The following NKAIN2 variants were observed in gnomAD, a reference collection of about 807,000 sequenced individuals.
NKAIN2 encodes the protein sodium/potassium-transporting ATPase subunit beta-1-interacting protein 2.
NKAIN2 carries 14 observed loss-of-function variants against 32.6 expected under a neutral mutation model. That is an observed-to-expected ratio of 0.43 (90% CI 0.28 to 0.67). The LOEUF (loss-of-function observed/expected upper bound fraction) is 0.67. Among genes scored for constraint, NKAIN2 ranks in the 30% least tolerant of loss-of-function variants. The pLI, the probability that NKAIN2 is intolerant of heterozygous loss-of-function variation, is 0.17. For missense variants in NKAIN2, 198 were observed against 258.3 expected (o/e 0.77, Z 1.60); for synonymous variants, 80 against 87.2 (o/e 0.92, Z 0.46).
chr6:123,814,176 G>A (rs1407282249), intron 1 of NKAIN2, among the ~76,000 whole-genome samples: 1 of 152,218 alleles, frequency 6.6e-6, no homozygotes, highest in Non-Finnish European at 1.5e-5. Flanking sequence ...TGGAACTCCT[G>A]AATGTTCAAA....
In NKAIN2 at chr6:123,911,785, A is replaced by ATG. The variant is rs565117284; in HGVS notation, c.54+107532_54+107533insGT. Among the ~76,000 whole-genome samples, 426 of 89,632 alleles carry ATG rather than the reference A, an allele frequency of 4.8e-3. 57 individuals are homozygous for ATG. In the East Asian group the frequency reaches 0.065, roughly 14 times the overall value. The allele number at this position is 89,632 out of a possible 152,430, so 58.8% of individuals were successfully genotyped here. A position where few individuals can be genotyped will look rare whatever the true frequency, so the allele number is the denominator to read the frequency against. On this transcript the variant is annotated intron_variant, in intron 1 of 6. Transcript: ENST00000368417. ...TAGTCGTATATATACATACATACATATATATATATATATATGTATATATAT... is the reference window on the plus strand; with the variant it reads ...TAGTCGTATATATACATACATACATATGTATATATATATATATGTATATATAT...
At chr6:123,897,528 A>G (rs780805187) in intron 1 of NKAIN2, among the ~76,000 whole-genome samples, 1 of 152,064 alleles carries the variant, frequency 6.6e-6, no homozygotes, top group Admixed American at 6.5e-5. Flanking sequence ...CTGTAATCAC[A>G]TGTGGATTTT....
chr6:124,091,257 A>G (rs769410514), intron 1 of NKAIN2, among the ~76,000 whole-genome samples: 2 of 151,984 alleles, frequency 1.3e-5, no homozygotes, highest in Non-Finnish European at 2.9e-5. Context: ...ACCTATGGCT[A>G]TAAATTAAGA....
chr6:124,571,252 G>T (rs1781116791), intron 3 of NKAIN2, among the ~76,000 whole-genome samples: 1 of 152,120 alleles, frequency 6.6e-6, no homozygotes, highest in Non-Finnish European at 1.5e-5. Context: ...GTGGACTTTT[G>T]GGTTAGTGCT....
chr6:124,692,577 G>A (rs1774309868), intron 4 of NKAIN2, among the ~76,000 whole-genome samples: 1 of 152,120 alleles, frequency 6.6e-6, no homozygotes, highest in Non-Finnish European at 1.5e-5. Flanking sequence ...AGCACTTTGG[G>A]AGCCTGAGGT....
intron 3 of NKAIN2, among the ~76,000 whole-genome samples, chr6:124,379,091 CA>C (rs1800113025): frequency 7.7e-6 from 1 of 129,266 alleles, no homozygotes; most frequent in Non-Finnish European, 1.6e-5. Context: ...AACCTTGTCT[CA>C]AAAATAAAGA....
chr6:124,172,505 T>G (rs1252711484), intron 1 of NKAIN2, among the ~76,000 whole-genome samples: 5 of 152,268 alleles, frequency 3.3e-5, no homozygotes, highest in Non-Finnish European at 7.4e-5. Context: ...ACCTCAAAAT[T>G]TCCCTCTGTT....
chr6:124,630,248 C>A (rs567106951), intron 3 of NKAIN2, among the ~76,000 whole-genome samples: 1 of 152,166 alleles, frequency 6.6e-6, no homozygotes, highest in African/African-American at 2.4e-5. Flanking sequence ...GGCTAAGAAA[C>A]AAGATCTGGG....
rs1204654769 is a variant in NKAIN2, at chr6:123,910,697, G to T, written c.54+106443G>T. On this transcript the variant is annotated intron_variant, in intron 1 of 6. Coordinates refer to ENST00000368417, the MANE Select transcript of NKAIN2 (RefSeq NM_001040214.3). Reference sequence around the variant, plus strand: ...ATTTTTGTTTTTTTAGTAGAGATGAGGTTTCATCATGTTGGCCAGGATGGT... The same window carrying T: ...ATTTTTGTTTTTTTAGTAGAGATGATGTTTCATCATGTTGGCCAGGATGGT... Among the ~76,000 whole-genome samples the T allele has an allele frequency of 3.3e-5, 5 of 151,526 alleles. No homozygotes were observed. In the East Asian group the frequency reaches 9.8e-4, roughly 30 times the overall value.
intron 3 of NKAIN2, among the ~76,000 whole-genome samples, chr6:124,629,454 A>T (rs1339375939): frequency 6.6e-6 from 1 of 152,136 alleles, no homozygotes; most frequent in Admixed American, 6.6e-5. Flanking sequence ...TCCCATCTAA[A>T]ATTAGGCCCC....
chr6:124,715,790 C>A (rs999630866), intron 4 of NKAIN2, among the ~76,000 whole-genome samples: 7 of 152,190 alleles, frequency 4.6e-5, no homozygotes, highest in African/African-American at 1.4e-4. Context: ...TCTTCCTCCT[C>A]CATATACCCA....
chr6:124,018,257 C>T (rs1018844243), intron 1 of NKAIN2, among the ~76,000 whole-genome samples: 3 of 152,154 alleles, frequency 2.0e-5, no homozygotes, highest in African/African-American at 7.2e-5. Flanking sequence ...TAGGGGGTTA[C>T]TGAGACCAGC....
At chr6:124,630,196 G>A (rs1167647999) in intron 3 of NKAIN2, among the ~76,000 whole-genome samples, 1 of 152,098 alleles carries the variant, frequency 6.6e-6, no homozygotes, top group Non-Finnish European at 1.5e-5. Context: ...CTTCAGGATT[G>A]GGGAGTGAGG....
chr6:124,354,263 T>C (rs1798866175), intron 2 of NKAIN2, among the ~76,000 whole-genome samples: 1 of 152,184 alleles, frequency 6.6e-6, no homozygotes, highest in African/African-American at 2.4e-5. Flanking sequence ...GATCTATTTT[T>C]AAAAAGTCAC....
intron 1 of NKAIN2, among the ~76,000 whole-genome samples, chr6:123,869,857 G>A (rs559097424): frequency 3.8e-4 from 55 of 144,218 alleles, no homozygotes; most frequent in African/African-American, 1.2e-3. Flanking sequence ...TTTTAAGGCA[G>A]TCTTAAAAGC....
chr6:124,056,459 T>C (rs1369867645), intron 1 of NKAIN2, among the ~76,000 whole-genome samples: 1 of 151,970 alleles, frequency 6.6e-6, no homozygotes, highest in Non-Finnish European at 1.5e-5. Flanking sequence ...AGGCCAGTTC[T>C]TGTGACATTT....
chr6:123,936,088 G>A (rs186979932), intron 1 of NKAIN2, among the ~76,000 whole-genome samples: 6 of 152,242 alleles, frequency 3.9e-5, no homozygotes, highest in Admixed American at 3.9e-4. Context: ...AAAAATATGG[G>A]CACTAAAAGC....
At chr6:124,703,010 A>T (rs1360710944) in intron 4 of NKAIN2, among the ~76,000 whole-genome samples, 1 of 152,100 alleles carries the variant, frequency 6.6e-6, no homozygotes, top group Non-Finnish European at 1.5e-5. Context: ...TCTTGAGCTC[A>T]TGTGCTGGAT....
chr6:124,305,522 G>T (rs1796471590), intron 2 of NKAIN2, among the ~76,000 whole-genome samples: 1 of 152,136 alleles, frequency 6.6e-6, no homozygotes, highest in Non-Finnish European at 1.5e-5. Flanking sequence ...TGGAGGGGAA[G>T]TTTGACAAGG....
Sources: gnomAD v4.1 joint callset for allele counts (sites outside exome capture counted in the v4.1 genomes callset) on GRCh38, gnomAD v4.1.1 for gene constraint, MANE v1.5 for transcripts, NCBI Gene and HGNC (gene_info 2026-07-23, HGNC 2026-07-21) for gene names.